Variants in CRAT observed in about 807,000 individuals in gnomAD.
CRAT encodes the protein carnitine acetylase.
CRAT carries 66 observed loss-of-function variants against 73.7 expected under a neutral mutation model. That is an observed-to-expected ratio of 0.90 (90% CI 0.73 to 1.10). The LOEUF is 1.10. Among genes scored for constraint, CRAT ranks in the 50% least tolerant of loss-of-function variants. The pLI, the probability that CRAT is intolerant of heterozygous loss-of-function variation, is 0.00. For synonymous variants in CRAT, 321 were observed against 343.2 expected (o/e 0.94, Z 0.71); for missense variants, 745 against 846.9 (o/e 0.88, Z 1.49).
intron 7 of CRAT, chr9:129,100,309 C>G (rs574957905): frequency 1.6e-6 from 1 of 641,366 alleles, no homozygotes; most frequent in African/African-American, 1.8e-5. Context: ...CTGGGGGTGA[C>G]AGCGGTTTCC....
intron 5 of CRAT, 35 bp downstream of exon 5, chr9:129,102,365 G>A: frequency 6.2e-7 from 1 of 1,613,110 alleles, no homozygotes; most frequent in Non-Finnish European, 8.5e-7. Flanking sequence ...CTGCAGCAGG[G>A]CCGGGGCTTG....
intron 2 of CRAT, among the ~76,000 whole-genome samples, chr9:129,104,749 C>T (rs567712429): frequency 2.7e-4 from 41 of 150,796 alleles, no homozygotes; most frequent in Admixed American, 1.6e-3. Flanking sequence ...GGACTACAGG[C>T]GCCAGCCACC....
intron 1 of CRAT, 95 bp from the exon 2 acceptor site, chr9:129,108,172 TGG>T (rs1848140821): frequency 1.4e-6 from 2 of 1,421,670 alleles, no homozygotes; most frequent in Non-Finnish European, 1.8e-6. Flanking sequence ...TGCCCATCCC[TGG>T]GGGCAGAGAC....
intron 8 of CRAT, 129 bp downstream of exon 8, chr9:129,099,737 G>A: frequency 1.5e-6 from 1 of 685,082 alleles, no homozygotes; most frequent in Non-Finnish European, 2.4e-6. Context: ...TATCTGGCTG[G>A]CTTCCTTGGA....
chr9:129,100,620 A>T lies in CRAT; in HGVS notation c.875T>A (p.Met292Lys). ...GTACACGTCTTCTGAGACCCTGGGC[A>T]TGGTTGCATCTAGGCACACGGTGAA... ...SIFTVCLDAT[M>K]PRVSEDVYRS... Residue 292 changes from methionine (M) to lysine (K), a missense_variant, in exon 7 of 14, where the codon ATG becomes AAG. Transcript: ENST00000318080. 6.2e-7 allele frequency: 1 copy of T among 1,614,026 alleles called. No individual in the cohort carries two copies. The highest frequency in any genetic ancestry group is 1.7e-4 in the Middle Eastern group (1 of 6,058).
Position 129,098,056 on chromosome 9 carries a change from T to C in CRAT, c.1421A>G (p.Asp474Gly). Residue 474 changes from aspartate (D) to glycine (G), a missense_variant, in exon 11 of 14, where the codon GAC (aspartate) becomes GGC (glycine). Asp to Gly is a moderately conservative substitution (Grantham distance 94, BLOSUM62 -1). Transcript: ENST00000318080. Reference sequence around the variant, plus strand: ...CATGGCCTTGACAAAGGTGAGTGAGTCCATGGAAGCCGAGCGGATGGTGTC... The same window carrying C: ...CATGGCCTTGACAAAGGTGAGTGAGCCCATGGAAGCCGAGCGGATGGTGTC... ...RTDTIRSASM[D>G]SLTFVKAMDD... 6.2e-7 allele frequency: 1 copy of C among 1,613,882 alleles called. No individual in the cohort carries two copies. Among genetic ancestry groups the C allele is most frequent in the South Asian group, 1.1e-5 (1 of 91,072 alleles).
Position 129,106,051 on chromosome 9 carries a change from C to T in CRAT, c.292-1745G>A, listed in dbSNP as rs904813754. Among the ~76,000 whole-genome samples the T allele has an allele frequency of 6.6e-5, 10 of 152,166 alleles. No homozygotes were observed. Among genetic ancestry groups the T allele is most frequent in the African/African-American group, 1.9e-4 (8 of 41,434 alleles). ...TGGGCCCACCTGCGCCCCCTCAACC[C>T]GTGGTGAACAGCAGCAGGATGCGCC... On this transcript the variant is annotated intron_variant, in intron 2 of 13. Transcript: ENST00000318080. This position sits in a 1 kb window ranked among gnomAD's most constrained non-coding sequence, Gnocchi z 4.0.
At position 129,095,240 on chromosome 9, in the gene CRAT, G is replaced by T; in HGVS notation, c.*157C>A. On this transcript the variant is annotated 3_prime_UTR_variant, in exon 14 of 14. Coordinates refer to ENST00000318080, the MANE Select transcript of CRAT (RefSeq NM_000755.5). ...CACGGAAGGCACTTGGCTGGGGCCTGCAGGCCCCCTGGAGGATGCGGTCCG... is the reference window on the plus strand; with the variant it reads ...CACGGAAGGCACTTGGCTGGGGCCTTCAGGCCCCCTGGAGGATGCGGTCCG... The T allele has an allele frequency of 1.2e-6, 1 of 808,788 alleles. No homozygotes were observed. The highest frequency in any genetic ancestry group is 1.9e-6 in the Non-Finnish European group (1 of 524,120). The allele number at this position is 808,788 out of a possible 1,614,324, so 50.1% of individuals were successfully genotyped here. A position where few individuals can be genotyped will look rare whatever the true frequency, so the allele number is the denominator to read the frequency against.
chr9:129,102,576 G>A lies in CRAT; in HGVS notation c.465-11C>T, dbSNP rs1184812675. ...ACGGGCAGGGTCTCGCTATGGGGTA[G>A]AGGGGCAGTGAGGCCACCACTGGGC... On this transcript the variant is annotated splice_polypyrimidine_tract_variant and intron_variant, in intron 4 of 13. Coordinates refer to ENST00000318080, the MANE Select transcript of CRAT (RefSeq NM_000755.5). The A allele has an allele frequency of 6.2e-7, 1 of 1,613,440 alleles. No individual in the cohort carries two copies. Among genetic ancestry groups the A allele is most frequent in the Non-Finnish European group, 8.5e-7 (1 of 1,179,538 alleles).
intron 3 of CRAT, among the ~76,000 whole-genome samples, 163 bp downstream of exon 3, chr9:129,104,025 G>A (rs915059068): frequency 8.5e-5 from 13 of 152,158 alleles, no homozygotes; most frequent in African/African-American, 2.7e-4. Context: ...TCCCTGCTCC[G>A]AGCCTCAATT....
At position 129,107,689 on chromosome 9, in the gene CRAT, C is replaced by T; in HGVS notation, c.291+125G>A. 1 of 1,392,786 alleles carries T rather than the reference C, an allele frequency of 7.2e-7. No individual in the cohort carries two copies. Among genetic ancestry groups the T allele is most frequent in the South Asian group, 1.2e-5 (1 of 82,750 alleles). The allele number at this position is 1,392,786 out of a possible 1,614,324, so 86.3% of individuals were successfully genotyped here. Reference sequence around the variant, plus strand: ...GATCACCCAGCACCCTGCCAAGTGCCAGACACAGAGTATGTGCTCACGAAA... The same window carrying T: ...GATCACCCAGCACCCTGCCAAGTGCTAGACACAGAGTATGTGCTCACGAAA... On this transcript the variant is annotated intron_variant, in intron 2 of 13. Transcript: ENST00000318080. The surrounding 1 kb of genome is among the most constrained non-coding windows in gnomAD (Gnocchi z 5.0).
At chr9:129,097,900 G>A (rs953027303) in intron 11 of CRAT, 113 bp downstream of exon 11, 15 of 1,444,274 alleles carry the variant, frequency 1.0e-5, no homozygotes, top group East Asian at 2.3e-5. Context: ...TAGATTCCCC[G>A]TGCCCACCAT....
At chr9:129,099,793 A>C in intron 8 of CRAT, 73 bp downstream of exon 8, 1 of 1,171,114 alleles carries the variant, frequency 8.5e-7, no homozygotes, top group Non-Finnish European at 1.3e-6. Context: ...TTTCTCTATA[A>C]GCTGGTCTAT....
intron 5 of CRAT, 122 bp from the exon 6 acceptor site, chr9:129,102,179 G>C: frequency 8.0e-7 from 1 of 1,243,310 alleles, no homozygotes; most frequent in East Asian, 2.5e-5. Context: ...TCAGGCCAAG[G>C]GTGAGAGGGG....
chr9:129,110,620 C>A lies in CRAT; in HGVS notation c.-111G>T. ...GTGGGTCCTTGCTAGAGCCTTCGGG[C>A]CAAGGTCGCTGAGTTACAGCCGCCA... On this transcript the variant is annotated 5_prime_UTR_variant, in exon 1 of 14. Transcript: ENST00000318080. This position sits in a 1 kb window ranked among gnomAD's most constrained non-coding sequence, Gnocchi z 5.3. The A allele has an allele frequency of 7.9e-7, 1 of 1,265,214 alleles. No homozygotes were observed. Among genetic ancestry groups the A allele is most frequent in the Non-Finnish European group, 1.0e-6 (1 of 962,774 alleles). 78.4% of individuals were successfully genotyped at this position (1,265,214 alleles called of 1,614,324 possible).
chr9:129,095,287 A>G lies in CRAT; in HGVS notation c.*110T>C, dbSNP rs186434192. The stretch of plus-strand genomic sequence containing the variant: ...TCCGTGGCTCAGTAGATTTGGGGGG[A>G]CCAGGGAAGAGGGAACCAAGGAAGA... On this transcript the variant is annotated 3_prime_UTR_variant, in exon 14 of 14. Transcript: ENST00000318080. 6.7e-6 allele frequency: 8 copies of G among 1,187,270 alleles called. No homozygotes were observed. The East Asian group carries it at 1.4e-4, about 21-fold the overall frequency. 73.5% of individuals were successfully genotyped at this position (1,187,270 alleles called of 1,614,324 possible). A position where few individuals can be genotyped will look rare whatever the true frequency, so the allele number is the denominator to read the frequency against.
At chr9:129,109,727 G>A (rs1848269849) in intron 1 of CRAT, among the ~76,000 whole-genome samples, 2 of 152,282 alleles carry the variant, frequency 1.3e-5, no homozygotes, top group East Asian at 1.9e-4. Context: ...TGCACCCTCC[G>A]CCCTCTGGCC....
chr9:129,104,543 A>C (rs1847881756), intron 2 of CRAT, among the ~76,000 whole-genome samples: 1 of 152,184 alleles, frequency 6.6e-6, no homozygotes. Flanking sequence ...CTGCTAAGAA[A>C]GGATGTGAAA....
At position 129,107,480 on chromosome 9, in the gene CRAT, C is replaced by A. The variant is rs1299515715; in HGVS notation, c.291+334G>T. The A allele has an allele frequency of 1.8e-5, 11 of 616,058 alleles. No individual in the cohort carries two copies. Among genetic ancestry groups the A allele is most frequent in the Non-Finnish European group, 1.5e-5 (5 of 340,314 alleles). 38.2% of individuals were successfully genotyped at this position (616,058 alleles called of 1,614,324 possible). A position where few individuals can be genotyped will look rare whatever the true frequency, so the allele number is the denominator to read the frequency against. ...GATCGGTCACTGAGTGACACATATC[C>A]CCTGCCTGAGGCTGTCCCACCAAGC... On this transcript the variant is annotated intron_variant, in intron 2 of 13. Coordinates refer to ENST00000318080, the MANE Select transcript of CRAT (RefSeq NM_000755.5). The surrounding 1 kb of genome is among the most constrained non-coding windows in gnomAD (Gnocchi z 5.0).
Sources: allele counts gnomAD v4.1 joint callset (sites outside exome capture counted in the v4.1 genomes callset), GRCh38; gene constraint gnomAD v4.1.1; non-coding constraint Gnocchi (gnomAD v3.1); transcripts MANE v1.5; gene names NCBI Gene and HGNC (gene_info 2026-07-23, HGNC 2026-07-21).